Variants in CEP128 observed in about 807,000 individuals in gnomAD.
The protein encoded by CEP128 is centrosomal protein 128.
In CEP128, 132 loss-of-function variants were observed where a neutral mutation model predicts 156.7. The ratio of observed to expected loss-of-function variants is 0.84; its 90% CI spans 0.73 to 0.97. The LOEUF (loss-of-function observed/expected upper bound fraction) is 0.97, where lower values mean the gene tolerates loss of function less well. CEP128 is among the 50% of genes least tolerant of loss of function. CEP128 has a pLI of 0.00. For missense variants in CEP128, 1,252 were observed against 1,281.9 expected (o/e 0.98, Z 0.36); for synonymous variants, 469 against 448.9 (o/e 1.04, Z -0.57).
chr14:80,520,520 T>A (rs1170371646), intron 23 of CEP128, among the ~76,000 whole-genome samples: 1 of 152,208 alleles, frequency 6.6e-6, no homozygotes, highest in Non-Finnish European at 1.5e-5. Flanking sequence ...TCTCTTTGAC[T>A]AGTTTTCATA....
At chr14:80,518,090 A>T (rs1280030347) in intron 23 of CEP128, among the ~76,000 whole-genome samples, 5 of 149,876 alleles carry the variant, frequency 3.3e-5, no homozygotes, top group Admixed American at 6.7e-5. Flanking sequence ...GAACTCCCAT[A>T]TAATGGGAGG....
chr14:80,787,500 A>G (rs1901473038), intron 14 of CEP128, among the ~76,000 whole-genome samples: 1 of 152,048 alleles, frequency 6.6e-6, no homozygotes, highest in Non-Finnish European at 1.5e-5. Context: ...ATGTGATAAG[A>G]TTAGGCCCAT....
intron 20 of CEP128, 139 bp from the exon 21 acceptor site, chr14:80,559,441 G>A (rs976021023): frequency 3.0e-6 from 2 of 665,682 alleles, no homozygotes; most frequent in African/African-American, 3.8e-5. Context: ...GAACTATTCA[G>A]AATGATCTCT....
downstream of CEP128, among the ~76,000 whole-genome samples, chr14:80,493,742 T>C (rs1367660688): frequency 2.0e-5 from 3 of 152,086 alleles, no homozygotes; most frequent in Non-Finnish European, 2.9e-5. Flanking sequence ...CGGTCAACAA[T>C]AGGGGCTATC....
At chr14:80,784,512 T>C (rs933104143) in intron 15 of CEP128, among the ~76,000 whole-genome samples, 2 of 152,180 alleles carry the variant, frequency 1.3e-5, no homozygotes, top group African/African-American at 4.8e-5. Context: ...TCCACTTTAG[T>C]TACCATACAA....
chr14:80,522,723 G>T (rs931906623), intron 23 of CEP128, among the ~76,000 whole-genome samples: 8 of 152,086 alleles, frequency 5.3e-5, no homozygotes, highest in African/African-American at 1.9e-4. Context: ...GCTGACTTTT[G>T]AACATTCTGT....
intron 19 of CEP128, among the ~76,000 whole-genome samples, chr14:80,668,814 T>C (rs574620367): frequency 3.5e-4 from 53 of 152,260 alleles, no homozygotes; most frequent in African/African-American, 1.1e-3. Context: ...TGGGAGGTAA[T>C]TGAATCATAG....
At chr14:80,736,180 T>C (rs560005828) in intron 19 of CEP128, among the ~76,000 whole-genome samples, 9 of 151,968 alleles carry the variant, frequency 5.9e-5, no homozygotes, top group African/African-American at 1.7e-4. Flanking sequence ...CAGAAATCCA[T>C]ATTTGCAACA....
intron 14 of CEP128, among the ~76,000 whole-genome samples, chr14:80,788,745 GTCAACCC>G (rs1401602289): frequency 6.6e-6 from 1 of 151,808 alleles, no homozygotes; most frequent in Non-Finnish European, 1.5e-5. Flanking sequence ...TCTCCTCTCG[GTCAACCC>G]TACAATTTAG....
intron 23 of CEP128, among the ~76,000 whole-genome samples, chr14:80,524,333 G>T (rs1385707436): frequency 6.6e-6 from 1 of 152,142 alleles, no homozygotes; most frequent in East Asian, 1.9e-4. Flanking sequence ...GCAAAGGTGG[G>T]TAAAGTTAAT....
chr14:80,602,698 G>C (rs752125938), intron 19 of CEP128, among the ~76,000 whole-genome samples: 1 of 152,120 alleles, frequency 6.6e-6, no homozygotes, highest in Admixed American at 6.5e-5. Flanking sequence ...GCTTGAACCG[G>C]GAGGCAGAGG....
chr14:80,810,323 C>CAAAA lies in CEP128; in HGVS notation c.1210-17217_1210-17214dup, dbSNP rs71103883. Among the ~76,000 whole-genome samples the CAAAA allele has an allele frequency of 6.3e-3, 96 of 15,192 alleles. 9 individuals carry two copies. The highest frequency in any genetic ancestry group is 7.6e-3 in the African/African-American group (35 of 4,600). 10.0% of individuals were successfully genotyped at this position (15,192 alleles called of 152,430 possible). A position where few individuals can be genotyped will look rare whatever the true frequency, so the allele number is the denominator to read the frequency against. On this transcript the variant is annotated intron_variant, in intron 13 of 24. Transcript: ENST00000555265. The stretch of plus-strand genomic sequence containing the variant: ...GGGCGACAGAGCAAGACTCCATCTC[C>CAAAA]AAAAAAAAAAAAAAAAAAAAAAAAA...
chr14:80,544,258 A>G (rs773374278), intron 21 of CEP128, among the ~76,000 whole-genome samples: 1 of 152,164 alleles, frequency 6.6e-6, no homozygotes, highest in Non-Finnish European at 1.5e-5. Context: ...ACTCTTAAAC[A>G]TAGGGACTCT....
At chr14:80,598,477 TAAAC>T (rs1451018262) in intron 19 of CEP128, among the ~76,000 whole-genome samples, 2 of 152,074 alleles carry the variant, frequency 1.3e-5, no homozygotes, top group Non-Finnish European at 2.9e-5. Context: ...AAAGGAGACA[TAAAC>T]AAATTATAAG....
At chr14:80,494,910 G>A (rs1887440890), downstream of CEP128, among the ~76,000 whole-genome samples, 1 of 152,126 alleles carries the variant, frequency 6.6e-6, no homozygotes, top group Non-Finnish European at 1.5e-5. Flanking sequence ...CAACCTTCCA[G>A]TCAGACACTA....
At chr14:80,821,214 C>T (rs1885149271) in intron 13 of CEP128, among the ~76,000 whole-genome samples, 1 of 152,078 alleles carries the variant, frequency 6.6e-6, no homozygotes, top group Non-Finnish European at 1.5e-5. Context: ...TACCTGAAAG[C>T]AAATATCTAA....
rs1003939615 is a variant in CEP128 at position 80,744,135 on chromosome 14, G to A, written c.2614-868C>T. ...AGAAATCCACCTGTCTCAGCCTCCC[G>A]AAGTACTAGAACTACTGACATGAGT... is the stretch of plus-strand genomic sequence containing the variant. On this transcript the variant is annotated intron_variant, in intron 18 of 24. Transcript: ENST00000555265. 4.6e-5 allele frequency among the ~76,000 whole-genome samples: 7 copies of A among 151,912 alleles called. No individual in the cohort carries two copies. The East Asian group carries it at 7.8e-4, about 17-fold the overall frequency.
intron 19 of CEP128, among the ~76,000 whole-genome samples, chr14:80,674,650 T>C (rs1202496175): frequency 1.3e-5 from 2 of 152,104 alleles, no homozygotes; most frequent in African/African-American, 2.4e-5. Context: ...TATATATGCA[T>C]ATGTATATAT....
intron 19 of CEP128, among the ~76,000 whole-genome samples, chr14:80,685,553 A>G (rs1168661583): frequency 2.0e-5 from 3 of 152,084 alleles, no homozygotes; most frequent in Non-Finnish European, 4.4e-5. Flanking sequence ...TTATTCCTCT[A>G]TCAAGCTACC....
Sources: allele counts gnomAD v4.1 joint callset (sites outside exome capture counted in the v4.1 genomes callset), GRCh38; gene constraint gnomAD v4.1.1; transcripts MANE v1.5; gene names NCBI Gene and HGNC (gene_info 2026-07-23, HGNC 2026-07-21).